Variants in RIPOR2 observed in about 807,000 individuals in gnomAD.
RIPOR2 encodes RHO family interacting cell polarization regulator 2.
RIPOR2 carries 39 observed loss-of-function variants against 114.5 expected under a neutral mutation model. The ratio of observed to expected loss-of-function variants is 0.34; its 90% confidence interval spans 0.26 to 0.44. The LOEUF is 0.44. Ranked by LOEUF, RIPOR2 falls within the 20% of genes least tolerant of loss-of-function variation. RIPOR2 has a pLI of 1.00. For missense variants in RIPOR2, 1,007 were observed against 1,255.1 expected, an observed-to-expected ratio of 0.80 and a Z score of 2.99; for synonymous variants, 445 against 484.4, an observed-to-expected ratio of 0.92 and a Z score of 1.07.
chr6:25,032,077 C>A lies in RIPOR2; in HGVS notation c.76+9774G>T, dbSNP rs546153036. On this transcript the variant is annotated intron_variant, in intron 1 of 13. Coordinates refer to the RIPOR2 transcript ENST00000510784. Reference sequence around the variant, plus strand: ...AACCATCCTAATAGGAGTAAAGTTTCCCTTGGTCCAGAGGGGAAGAGCTGA... The same window carrying A: ...AACCATCCTAATAGGAGTAAAGTTTACCTTGGTCCAGAGGGGAAGAGCTGA... Among the ~76,000 whole-genome samples, 54 of 151,734 alleles carry A rather than the reference C, an allele frequency of 3.6e-4. No individual in the cohort carries two copies. In the East Asian group the frequency reaches 8.2e-3, roughly 23 times the overall value.
intron 1 of RIPOR2, among the ~76,000 whole-genome samples, chr6:24,961,490 C>G (rs1773306134): frequency 6.6e-6 from 1 of 152,174 alleles, no homozygotes; most frequent in Non-Finnish European, 1.5e-5. Flanking sequence ...ATTCTGTGCT[C>G]TGGGGCAAGT....
At chr6:24,938,692 G>A (rs1771951999), upstream of RIPOR2, among the ~76,000 whole-genome samples, 2 of 152,140 alleles carry the variant, frequency 1.3e-5, no homozygotes, top group Admixed American at 1.3e-4. Flanking sequence ...CCCTTAGGAA[G>A]TTTCCCTCAG....
At chr6:24,997,792 C>T (rs772866680) in intron 1 of RIPOR2, among the ~76,000 whole-genome samples, 6 of 152,164 alleles carry the variant, frequency 3.9e-5, no homozygotes, top group South Asian at 2.1e-4. Flanking sequence ...CTGAGAAACA[C>T]GCACTGGTTT....
At chr6:24,810,809 C>CT (rs1378591953) in intron 20 of RIPOR2, among the ~76,000 whole-genome samples, 12 of 151,186 alleles carry the variant, frequency 7.9e-5, no homozygotes, top group Admixed American at 2.0e-4. Flanking sequence ...ACAGCTGTTT[C>CT]TTTTTTTTTC....
rs1453188110 is a variant in RIPOR2, at chr6:24,839,091, C to T, written c.2039G>A (p.Ser680Asn). 1.9e-6 allele frequency: 3 copies of T among 1,550,448 alleles called. No homozygotes were observed. The highest frequency in any genetic ancestry group is 1.7e-6 in the Non-Finnish European group (2 of 1,146,156). The change falls in exon 14 of 22, where the codon AGT (serine) becomes AAT (asparagine). Residue 680 changes from serine to asparagine, a missense_variant and splice_region_variant. Transcript: ENST00000643898. ...VFSDTETEKH[S>N]YRSVHPEARG... ...AAGGAGACACTAACTTCAGACTTAC[C>T]TGTGTTTCTCAGTCTCAGTGTCTGA...
chr6:24,913,474 T>C (rs1769827745), intron 1 of RIPOR2, among the ~76,000 whole-genome samples: 1 of 152,132 alleles, frequency 6.6e-6, no homozygotes, highest in South Asian at 2.1e-4. Context: ...GACCCCACAG[T>C]TCCTCCCACA....
At position 24,861,085 on chromosome 6, in the gene RIPOR2, A is replaced by G. The variant is rs748558282; in HGVS notation, c.652-49T>C. 3.0e-6 allele frequency: 4 copies of G among 1,328,838 alleles called. No individual in the cohort carries two copies. In the Admixed American group the frequency reaches 7.2e-5, roughly 24 times the overall value. The allele number at this position is 1,328,838 out of a possible 1,614,324, so 82.3% of individuals were successfully genotyped here. ...CATGAGAGCTAGCCTTTCACCCAAC[A>G]GCTCAAAGCACACGACGTTCGAACA... On this transcript the variant is annotated intron_variant, in intron 7 of 21. Coordinates refer to ENST00000643898, the MANE Select transcript of RIPOR2 (RefSeq NM_001286445.3).
intron 8 of RIPOR2, 115 bp downstream of exon 8, chr6:24,860,858 G>A: frequency 1.5e-6 from 1 of 656,078 alleles, no homozygotes. Flanking sequence ...GGTTGAGAGT[G>A]GGTGGCGCTG....
chr6:24,915,950 C>T (rs1015288715), intron 1 of RIPOR2, among the ~76,000 whole-genome samples: 5 of 152,200 alleles, frequency 3.3e-5, no homozygotes, highest in Non-Finnish European at 7.3e-5. Flanking sequence ...GCTCTTCTCA[C>T]CCTGCATCCA....
intron 1 of RIPOR2, among the ~76,000 whole-genome samples, chr6:25,039,941 C>T (rs971749787): frequency 6.6e-6 from 1 of 152,164 alleles, no homozygotes; most frequent in African/African-American, 2.4e-5. Context: ...CATTTGGAAT[C>T]CAACCAGCTC....
chr6:25,001,723 A>T (rs112820139), intron 1 of RIPOR2, among the ~76,000 whole-genome samples: 1 of 134,648 alleles, frequency 7.4e-6, no homozygotes. Context: ...TTTTTTAAAC[A>T]TAGTCTCGCT....
intron 1 of RIPOR2, among the ~76,000 whole-genome samples, chr6:24,969,595 A>T (rs1015300109): frequency 3.3e-5 from 5 of 152,132 alleles, no homozygotes; most frequent in African/African-American, 1.2e-4. Context: ...GGGGCCCTCT[A>T]AGCCACTAGG....
At chr6:24,907,985 C>T (rs2078002258) in intron 1 of RIPOR2, among the ~76,000 whole-genome samples, 2 of 151,452 alleles carry the variant, frequency 1.3e-5, no homozygotes, top group African/African-American at 4.9e-5. Context: ...CCCACCCCAC[C>T]CCAATTCCCT....
At chr6:24,868,435 T>C (rs1292289771) in intron 6 of RIPOR2, among the ~76,000 whole-genome samples, 3 of 152,136 alleles carry the variant, frequency 2.0e-5, no homozygotes, top group African/African-American at 7.2e-5. Flanking sequence ...GTGATTTAGC[T>C]GCCTCTAAAG....
intron 1 of RIPOR2, among the ~76,000 whole-genome samples, chr6:24,977,737 C>G (rs1023699655): frequency 6.6e-6 from 1 of 152,160 alleles, no homozygotes; most frequent in Admixed American, 6.5e-5. Flanking sequence ...CTGTAAACAT[C>G]TGGCTCTTGA....
intron 1 of RIPOR2, among the ~76,000 whole-genome samples, chr6:25,030,159 G>C (rs1776852365): frequency 6.6e-6 from 1 of 151,920 alleles, no homozygotes; most frequent in Non-Finnish European, 1.5e-5. Context: ...TCTTAAATGG[G>C]GGGAAAAGAT....
Position 24,873,665 on chromosome 6 carries a change from C to G in RIPOR2, c.323G>C (p.Arg108Thr), listed in dbSNP as rs201842232. The G allele has an allele frequency of 9.3e-5, 150 of 1,613,176 alleles. No individual in the cohort carries two copies. The highest frequency in any genetic ancestry group is 1.2e-4 in the Non-Finnish European group (139 of 1,179,708). Residue 108 changes from arginine to threonine, a missense_variant, in exon 3 of 22, where the codon AGG becomes ACG. Physicochemically the swap from Arg to Thr is moderately conservative, Grantham distance 71. Coordinates refer to ENST00000643898, the MANE Select transcript of RIPOR2 (RefSeq NM_001286445.3). ...TTACTCAAGTCCATTTTTCAAGGCCCTGTAGACTTCTTCCACCCTTTTAGG... is the reference window on the plus strand; with the variant it reads ...TTACTCAAGTCCATTTTTCAAGGCCGTGTAGACTTCTTCCACCCTTTTAGG... ...PQPKRVEEVY[R>T]ALKNGLDEYL... is the part of the protein sequence containing the mutation.
At chr6:24,860,863 G>T in intron 8 of RIPOR2, 110 bp downstream of exon 8, 1 of 676,154 alleles carries the variant, frequency 1.5e-6, no homozygotes. Flanking sequence ...AGAGTGGGTG[G>T]CGCTGCGTCT....
At chr6:24,993,923 T>C (rs974700607) in intron 1 of RIPOR2, among the ~76,000 whole-genome samples, 2 of 152,250 alleles carry the variant, frequency 1.3e-5, no homozygotes, top group African/African-American at 4.8e-5. Flanking sequence ...TGATTTGGTA[T>C]CATTTTTAAA....
Sources: allele counts gnomAD v4.1 joint callset (sites outside exome capture counted in the v4.1 genomes callset), GRCh38; gene constraint gnomAD v4.1.1; transcripts MANE v1.5; gene names NCBI Gene and HGNC (gene_info 2026-07-23, HGNC 2026-07-21).